DOK5: variants seen among roughly 807,000 people sequenced by gnomAD.
DOK5 encodes docking protein 5.
DOK5 carries 27 observed loss-of-function variants against 43.3 expected under a neutral mutation model. The observed-to-expected ratio is 0.62, with a 90% confidence interval of 0.46 to 0.86. DOK5 has a LOEUF of 0.86. Ranked by LOEUF, DOK5 falls within the 40% of genes least tolerant of loss-of-function variation. DOK5 has a pLI of 0.00. For missense variants in DOK5, 373 were observed against 392.9 expected, an observed-to-expected ratio of 0.95 and a Z score of 0.43; for synonymous variants, 146 against 140.1, an observed-to-expected ratio of 1.04 and a Z score of -0.30.
At chr20:54,476,253 T>C in intron 1 of DOK5, 1 of 940,516 alleles carries the variant, frequency 1.1e-6, no homozygotes, top group Non-Finnish European at 1.3e-6. Flanking sequence ...GTGTTGGGCT[T>C]CAGTAGCCCC....
intron 6 of DOK5, among the ~76,000 whole-genome samples, chr20:54,636,331 A>T (rs1482791840): frequency 2.0e-5 from 3 of 152,232 alleles, no homozygotes; most frequent in East Asian, 3.9e-4. Context: ...GAGGGGCCTC[A>T]GTTCTTCTAA....
At chr20:54,517,878 C>A (rs1983254926) in intron 1 of DOK5, among the ~76,000 whole-genome samples, 1 of 152,206 alleles carries the variant, frequency 6.6e-6, no homozygotes, top group South Asian at 2.1e-4. Flanking sequence ...AATGGGCCCT[C>A]ACCAGATGCT....
chr20:54,620,487 C>T (rs912473041), intron 6 of DOK5, among the ~76,000 whole-genome samples: 4 of 152,304 alleles, frequency 2.6e-5, no homozygotes, highest in African/African-American at 9.6e-5. Flanking sequence ...GATGTGCCAG[C>T]CTCTGCCTCC....
chr20:54,628,033 G>A (rs969356931), intron 6 of DOK5, among the ~76,000 whole-genome samples: 1 of 152,176 alleles, frequency 6.6e-6, no homozygotes, highest in Non-Finnish European at 1.5e-5. Context: ...TCACTGATCA[G>A]TAATCACATC....
intron 2 of DOK5, among the ~76,000 whole-genome samples, chr20:54,569,316 A>G (rs1162928262): frequency 6.6e-6 from 1 of 152,206 alleles, no homozygotes; most frequent in Non-Finnish European, 1.5e-5. Flanking sequence ...GAATTGCCCT[A>G]GTCCCCTTTT....
At chr20:54,598,370 A>T (rs1986205580) in intron 5 of DOK5, among the ~76,000 whole-genome samples, 2 of 152,156 alleles carry the variant, frequency 1.3e-5, no homozygotes, top group South Asian at 4.1e-4. Flanking sequence ...CTGAAACCTC[A>T]CGGCACATCA....
intron 1 of DOK5, among the ~76,000 whole-genome samples, chr20:54,535,527 A>ATTTTTT (rs11481797): frequency 2.7e-5 from 4 of 147,302 alleles, no homozygotes; most frequent in Non-Finnish European, 6.0e-5. Flanking sequence ...CTAATTTGGG[A>ATTTTTT]TTTTTTTTTT....
chr20:54,617,037 G>T (rs1220294576), intron 6 of DOK5, among the ~76,000 whole-genome samples: 2 of 151,990 alleles, frequency 1.3e-5, no homozygotes, highest in African/African-American at 4.8e-5. Context: ...TGATCCACCC[G>T]CCTTGGCCTC....
intron 5 of DOK5, among the ~76,000 whole-genome samples, chr20:54,593,384 A>G (rs1486396132): frequency 2.0e-5 from 3 of 152,228 alleles, no homozygotes; most frequent in African/African-American, 7.2e-5. Flanking sequence ...TACTTTTCAT[A>G]CAGTTCTTTT....
intron 1 of DOK5, among the ~76,000 whole-genome samples, chr20:54,549,926 G>A (rs773124710): frequency 2.0e-5 from 3 of 152,080 alleles, no homozygotes; most frequent in Non-Finnish European, 4.4e-5. Flanking sequence ...GCAGAGTGAC[G>A]TTCATTCCCA....
chr20:54,514,155 T>C lies in DOK5; in HGVS notation c.66+38143T>C, dbSNP rs181258364. ...CCATCACTGCTCCAGTTAAGGGACA[T>C]GTGGCTCTGAATACAGGGCTCCTTT... On this transcript the variant is annotated intron_variant, in intron 1 of 7. Coordinates refer to ENST00000262593, the MANE Select transcript of DOK5 (RefSeq NM_018431.5). Among the ~76,000 whole-genome samples the C allele has an allele frequency of 3.3e-5, 5 of 152,288 alleles. No individual in the cohort carries two copies. In the East Asian group the frequency reaches 7.7e-4, roughly 24 times the overall value.
chr20:54,620,882 A>ATC (rs1986955074), intron 6 of DOK5, among the ~76,000 whole-genome samples: 1 of 151,530 alleles, frequency 6.6e-6, no homozygotes, highest in Non-Finnish European at 1.5e-5. Context: ...TGAAGTTCCC[A>ATC]TTCTTGCGGA....
chr20:54,540,564 G>C (rs1214122831), intron 1 of DOK5, among the ~76,000 whole-genome samples: 1 of 152,150 alleles, frequency 6.6e-6, no homozygotes, highest in African/African-American at 2.4e-5. Context: ...TGCCCAGGCT[G>C]GAGTGCAGTG....
rs1403140536 is a variant in DOK5, at chr20:54,544,809, G to T, written c.67-10124G>T. Among the ~76,000 whole-genome samples the T allele has an allele frequency of 2.6e-5, 4 of 152,138 alleles. No individual in the cohort carries two copies. The East Asian group carries it at 5.8e-4, about 22-fold the overall frequency. On this transcript the variant is annotated intron_variant, in intron 1 of 7. Coordinates refer to ENST00000262593, the MANE Select transcript of DOK5 (RefSeq NM_018431.5). ...AGTCATAGGTCTGGGTGGGGCTATT[G>T]GTGGTCAACAATGCAAAAGCCTGAG...
chr20:54,552,119 T>C (rs6098082), intron 1 of DOK5, among the ~76,000 whole-genome samples: 3,111 of 152,318 alleles, frequency 0.02, 104 homozygotes, highest in African/African-American at 0.071. Context: ...TGAGCCACCT[T>C]GCCCAGCCAT....
At chr20:54,601,910 A>G (rs898003156) in intron 5 of DOK5, among the ~76,000 whole-genome samples, 1 of 152,214 alleles carries the variant, frequency 6.6e-6, no homozygotes, top group Admixed American at 6.5e-5. Context: ...TTCCAAATTC[A>G]TATTTTCATT....
chr20:54,503,204 G>A (rs930519073), intron 1 of DOK5, among the ~76,000 whole-genome samples: 4 of 152,038 alleles, frequency 2.6e-5, no homozygotes, highest in African/African-American at 9.7e-5. Flanking sequence ...TTTGAATTTT[G>A]ATCCATGTGA....
Position 54,633,524 on chromosome 20 carries a change from C to T in DOK5, c.736-9934C>T, listed in dbSNP as rs141431626. Reference sequence around the variant, plus strand: ...AATTAGTTGGGTTACATATATGAAACGGAAGATATGATTAGAATTGGAAGT... The same window carrying T: ...AATTAGTTGGGTTACATATATGAAATGGAAGATATGATTAGAATTGGAAGT... On this transcript the variant is annotated intron_variant, in intron 6 of 7. Transcript: ENST00000262593. Among the ~76,000 whole-genome samples the T allele has an allele frequency of 5.4e-3, 815 of 152,166 alleles. 1 individual carries two copies. Among genetic ancestry groups the T allele is most frequent in the Non-Finnish European group, 8.7e-3 (593 of 68,020 alleles).
chr20:54,549,250 T>C (rs1432998208), intron 1 of DOK5, among the ~76,000 whole-genome samples: 65 of 152,262 alleles, frequency 4.3e-4, no homozygotes, highest in Admixed American at 4.2e-3. Flanking sequence ...TCAGTAGACC[T>C]CGGCTAGTCT....
Sources: allele counts gnomAD v4.1 joint callset (sites outside exome capture counted in the v4.1 genomes callset), GRCh38; gene constraint gnomAD v4.1.1; transcripts MANE v1.5; gene names NCBI Gene and HGNC (gene_info 2026-07-23, HGNC 2026-07-21).